Variants in DGKH observed in about 807,000 individuals in gnomAD.
DGKH encodes diacylglycerol kinase eta.
Under a neutral mutation model 159.3 loss-of-function variants are expected in DGKH, and 90 were observed. The observed-to-expected ratio is 0.57, with a 90% CI of 0.48 to 0.67. DGKH has a LOEUF of 0.67. Ranked by LOEUF, DGKH falls within the 30% of genes least tolerant of loss-of-function variation. The probability of loss-of-function intolerance (pLI) is 0.00; values close to 1 mark genes in which losing one functional copy is unlikely to be tolerated. For missense variants in DGKH, 1,181 were observed against 1,506.1 expected (o/e 0.78, Z 3.57); for synonymous variants, 536 against 553.8 (o/e 0.97, Z 0.45).
chr13:42,188,197 T>C (rs891199222), intron 14 of DGKH, among the ~76,000 whole-genome samples: 2 of 152,214 alleles, frequency 1.3e-5, no homozygotes, highest in Non-Finnish European at 2.9e-5. Context: ...TGCTCTAACC[T>C]TGTCTCAGCA....
At chr13:42,083,653 G>A (rs545347999) in intron 1 of DGKH, among the ~76,000 whole-genome samples, 1 of 152,116 alleles carries the variant, frequency 6.6e-6, no homozygotes, top group African/African-American at 2.4e-5. Flanking sequence ...TGGCTTCCCT[G>A]AGCAACTCGT....
At chr13:42,216,524 G>A (rs1358691422) in intron 26 of DGKH, 1 of 152,174 alleles carries the variant, frequency 6.6e-6, no homozygotes, top group African/African-American at 2.4e-5. Flanking sequence ...TGGCACAGTG[G>A]GTGAATGAAT....
At chr13:42,043,859 T>C (rs1304396366), upstream of DGKH, 1 of 151,576 alleles carries the variant, frequency 6.6e-6, no homozygotes, top group African/African-American at 2.4e-5. Context: ...TTTGAGGCAG[T>C]GTCTCACTGT....
chr13:42,189,373 G>A (rs1594174397), intron 15 of DGKH, 64 bp downstream of exon 15: 3 of 1,595,176 alleles, frequency 1.9e-6, no homozygotes, highest in East Asian at 2.2e-5. Context: ...GCATAACGGA[G>A]TTTCCATAGT....
At chr13:42,172,504 C>T (rs1368233631) in intron 11 of DGKH, among the ~76,000 whole-genome samples, 1 of 152,114 alleles carries the variant, frequency 6.6e-6, no homozygotes, top group African/African-American at 2.4e-5. Context: ...AATTTTTATG[C>T]AAATATTTAT....
At chr13:42,158,602 A>G (rs992123099) in intron 5 of DGKH, among the ~76,000 whole-genome samples, 1 of 152,068 alleles carries the variant, frequency 6.6e-6, no homozygotes. Flanking sequence ...AGATTTAGTG[A>G]AGCCTGTAGT....
In DGKH at chr13:42,150,170, T is replaced by C. The variant is rs1955839959; in HGVS notation, c.385-5121T>C. The stretch of plus-strand genomic sequence containing the variant: ...ATTTTAAAAATTATGATAGGAAAAA[T>C]AATTTTGTTATTGGTAATCTGAAAC... On this transcript the variant is annotated intron_variant, in intron 3 of 29. Coordinates refer to ENST00000337343, the MANE Select transcript of DGKH (RefSeq NM_178009.5). Among the ~76,000 whole-genome samples, 7 of 152,192 alleles carry C rather than the reference T, an allele frequency of 4.6e-5. No individual in the cohort carries two copies. In the South Asian group the frequency reaches 1.4e-3, roughly 31 times the overall value.
At chr13:42,248,601 TA>T (rs1284678611) in intron 29 of DGKH, among the ~76,000 whole-genome samples, 4 of 147,592 alleles carry the variant, frequency 2.7e-5, no homozygotes, top group Non-Finnish European at 6.0e-5. Context: ...TTCAATGTAA[TA>T]ATTTATATAA....
chr13:42,226,944 G>A (rs1958149131), intron 29 of DGKH, among the ~76,000 whole-genome samples: 1 of 152,070 alleles, frequency 6.6e-6, no homozygotes, highest in Non-Finnish European at 1.5e-5. Context: ...AAAGGAACTG[G>A]ATCATGTCCT....
intron 1 of DGKH, among the ~76,000 whole-genome samples, chr13:42,124,653 G>A (rs964448654): frequency 2.0e-5 from 3 of 152,190 alleles, no homozygotes; most frequent in Admixed American, 6.5e-5. Flanking sequence ...TGATGGGAGA[G>A]ATGATAGAAG....
At chr13:42,114,208 G>A (rs1177382254) in intron 1 of DGKH, among the ~76,000 whole-genome samples, 1 of 152,068 alleles carries the variant, frequency 6.6e-6, no homozygotes, top group Admixed American at 6.6e-5. Context: ...ACAGCTAATT[G>A]CTTATATTTG....
At chr13:42,220,760 T>G (rs530118370) in intron 28 of DGKH, among the ~76,000 whole-genome samples, 1 of 152,332 alleles carries the variant, frequency 6.6e-6, no homozygotes, top group South Asian at 2.1e-4. Context: ...TTGCCGTTAT[T>G]ATCAGTAGTA....
intron 1 of DGKH, among the ~76,000 whole-genome samples, chr13:42,106,706 T>C (rs1954764668): frequency 6.6e-6 from 1 of 152,178 alleles, no homozygotes; most frequent in African/African-American, 2.4e-5. Flanking sequence ...TACCTTCTCC[T>C]CATACTGTAA....
rs556982301 is a variant in DGKH at position 42,148,940 on chromosome 13, C to T, written c.385-6351C>T. Among the ~76,000 whole-genome samples, 17 of 132,588 alleles carry T rather than the reference C, an allele frequency of 1.3e-4. No individual in the cohort carries two copies. The East Asian group carries it at 3.8e-3, about 29-fold the overall frequency. 87.0% of individuals were successfully genotyped at this position (132,588 alleles called of 152,430 possible). ...CTTCCCACCCACAACCCCGCCCGCC[C>T]CTTCTTTTTTTTTTTTTTTTTTTTT... On this transcript the variant is annotated intron_variant, in intron 3 of 29. Transcript: ENST00000337343.
At chr13:42,050,625 A>G (rs1405352713) in intron 1 of DGKH, among the ~76,000 whole-genome samples, 1 of 152,190 alleles carries the variant, frequency 6.6e-6, no homozygotes, top group Non-Finnish European at 1.5e-5. Context: ...TGTTTTTAAT[A>G]TTTCAAATCT....
At chr13:42,154,627 T>TGGAGCTAA (rs1183118482) in intron 3 of DGKH, among the ~76,000 whole-genome samples, 6 of 151,604 alleles carry the variant, frequency 4.0e-5, no homozygotes, top group South Asian at 2.1e-4. Flanking sequence ...TAAATACTAG[T>TGGAGCTAA]ACAGTGGAGT....
intron 1 of DGKH, among the ~76,000 whole-genome samples, chr13:42,054,668 T>C (rs1881620178): frequency 6.6e-6 from 1 of 152,192 alleles, no homozygotes; most frequent in African/African-American, 2.4e-5. Flanking sequence ...ATAAATTCTT[T>C]TGTACAGTAA....
intron 1 of DGKH, among the ~76,000 whole-genome samples, chr13:42,040,639 C>T (rs1325205548): frequency 1.3e-5 from 2 of 149,746 alleles, no homozygotes; most frequent in African/African-American, 4.9e-5. Flanking sequence ...CGCAGGGGAG[C>T]GGGACCGTGG....
intron 6 of DGKH, among the ~76,000 whole-genome samples, chr13:42,159,672 T>C (rs537911701): frequency 3.3e-5 from 5 of 152,210 alleles, no homozygotes; most frequent in East Asian, 3.9e-4. Flanking sequence ...TCTTCAGACA[T>C]TGGGGTTGCC....
Sources: gnomAD v4.1 joint callset for allele counts (sites outside exome capture counted in the v4.1 genomes callset) on GRCh38, gnomAD v4.1.1 for gene constraint, MANE v1.5 for transcripts, NCBI Gene and HGNC (gene_info 2026-07-23, HGNC 2026-07-21) for gene names.